DNAH9: variants seen among roughly 807,000 people sequenced by gnomAD.
DNAH9 encodes DNAH9 variant protein.
DNAH9 carries 345 observed loss-of-function variants against 471.6 expected under a neutral mutation model. That is an observed-to-expected ratio of 0.73 (90% CI 0.67 to 0.80). The LOEUF (loss-of-function observed/expected upper bound fraction) is 0.80, where lower values mean the gene tolerates loss of function less well. DNAH9 is among the 30% of genes least tolerant of loss of function. DNAH9 has a pLI of 0.00. For synonymous variants in DNAH9, 2,093 were observed against 2,123.6 expected (o/e 0.99, Z 0.40); for missense variants, 5,407 against 5,609.2 (o/e 0.96, Z 1.15).
intron 61 of DNAH9, among the ~76,000 whole-genome samples, chr17:11,910,909 A>G (rs2151019469): frequency 6.6e-6 from 1 of 152,312 alleles, no homozygotes; most frequent in South Asian, 2.1e-4. Flanking sequence ...TCGTTGAGTT[A>G]TAAGAAGAGT....
intron 17 of DNAH9, among the ~76,000 whole-genome samples, chr17:11,671,406 A>AGG (rs367743220): frequency 1.6e-4 from 24 of 149,428 alleles, no homozygotes; most frequent in African/African-American, 5.6e-4. Context: ...CAGGAAGCAG[A>AGG]GGGGGGGCAG....
rs190293148 is a variant in DNAH9 at position 11,924,081 on chromosome 17, C to G, written c.11877+140C>G. On this transcript the variant is annotated intron_variant, in intron 62 of 68. Transcript: ENST00000262442. ...TCCCCTTCATTTCTTCATCTTCTCT[C>G]TTTCCAGTTCTCCTCACTCATATGT... 1.6e-4 allele frequency: 207 copies of G among 1,262,266 alleles called. 1 individual carries two copies. In the African/African-American group the frequency reaches 2.8e-3, roughly 17 times the overall value. The allele number at this position is 1,262,266 out of a possible 1,614,324, so 78.2% of individuals were successfully genotyped here. A position where few individuals can be genotyped will look rare whatever the true frequency, so the allele number is the denominator to read the frequency against.
intron 58 of DNAH9, among the ~76,000 whole-genome samples, chr17:11,893,953 C>CCTG (rs1973142893): frequency 1.3e-5 from 2 of 152,202 alleles, no homozygotes; most frequent in East Asian, 1.9e-4. Flanking sequence ...GGTAACTTCT[C>CCTG]TACTCTGTAA....
chr17:11,771,941 A>G (rs1368010589), intron 38 of DNAH9, among the ~76,000 whole-genome samples: 1 of 152,146 alleles, frequency 6.6e-6, no homozygotes, highest in Non-Finnish European at 1.5e-5. Context: ...CCTTCATTTT[A>G]TACATGAGAA....
intron 9 of DNAH9, 138 bp from the exon 10 acceptor site, chr17:11,640,132 G>A: frequency 1.6e-6 from 1 of 636,088 alleles, no homozygotes; most frequent in Non-Finnish European, 2.8e-6. Context: ...AACCCCCCAG[G>A]AACTCCAGTG....
chr17:11,601,116 G>A lies in DNAH9; in HGVS notation c.417+2201G>A, dbSNP rs112634059. Reference sequence around the variant, plus strand: ...CTCAAGGTTCATCCATATCGTCACCGCCTATCGTCATATGCGGGATTTCTT... The same window carrying A: ...CTCAAGGTTCATCCATATCGTCACCACCTATCGTCATATGCGGGATTTCTT... On this transcript the variant is annotated intron_variant, in intron 1 of 68. Transcript: ENST00000262442. Among the ~76,000 whole-genome samples the A allele has an allele frequency of 1.9e-3, 291 of 152,220 alleles. 4 individuals are homozygous for A. Among genetic ancestry groups the A allele is most frequent in the African/African-American group, 6.6e-3 (274 of 41,516 alleles).
intron 14 of DNAH9, among the ~76,000 whole-genome samples, chr17:11,662,962 A>G (rs1226452982): frequency 3.3e-5 from 5 of 151,336 alleles, no homozygotes; most frequent in Non-Finnish European, 7.4e-5. Context: ...TCACCGTTTT[A>G]TCCAGGATGG....
intron 14 of DNAH9, among the ~76,000 whole-genome samples, chr17:11,655,354 GT>G (rs1567695581): frequency 2.6e-3 from 3 of 1,134 alleles, no homozygotes; most frequent in Non-Finnish European, 8.4e-3. Flanking sequence ...ATTCCATGGT[GT>G]GTGTGTGTGT....
chr17:11,680,949 T>A, intron 19 of DNAH9, 60 bp downstream of exon 19: 1 of 1,467,282 alleles, frequency 6.8e-7, no homozygotes, highest in Non-Finnish European at 9.3e-7. Context: ...GAGTCATGGA[T>A]AATCTTTTTG....
In DNAH9 at chr17:11,701,240, C is replaced by A. The variant is rs773909326; in HGVS notation, c.5144C>A (p.Pro1715Gln). 3.1e-6 allele frequency: 5 copies of A among 1,613,262 alleles called. No homozygotes were observed. In the African/African-American group the frequency reaches 6.7e-5, roughly 22 times the overall value. Residue 1715 changes from proline (P) to glutamine (Q), a missense_variant, in exon 24 of 69, where the codon CCA becomes CAA. By Grantham distance (76) the Pro-to-Gln change is moderately conservative. Transcript: ENST00000262442. The stretch of plus-strand genomic sequence containing the variant: ...AGGGAGCAGTGGCTTTTTGACCACC[C>A]AGCTCAGGTATTCTCCTAATGGGAT... ...KPREQWLFDHPAQVALTCTQI... is the reference protein window; with the variant it reads ...KPREQWLFDHQAQVALTCTQI...
chr17:11,621,431 CAA>C (rs1252232993), intron 6 of DNAH9, among the ~76,000 whole-genome samples: 19 of 126,248 alleles, frequency 1.5e-4, no homozygotes, highest in Non-Finnish European at 2.4e-4. Context: ...AAAAAAAAGA[CAA>C]GAGCCAGAGG....
rs535180031 is a variant in DNAH9 at position 11,843,888 on chromosome 17, T to C, written c.9507+8990T>C. 3.8e-5 allele frequency among the ~76,000 whole-genome samples: 5 copies of C among 133,090 alleles called. 1 individual carries two copies. Among genetic ancestry groups the C allele is most frequent in the African/African-American group, 8.5e-5 (3 of 35,318 alleles). 87.3% of individuals were successfully genotyped at this position (133,090 alleles called of 152,430 possible). On this transcript the variant is annotated intron_variant, in intron 49 of 68. Coordinates refer to ENST00000262442, the MANE Select transcript of DNAH9 (RefSeq NM_001372.4). ...GTATATATATATATATATATATATA[T>C]ATACACATAGAGAGAGAGAGAATAA...
At chr17:11,728,781 G>C (rs533910198) in intron 28 of DNAH9, among the ~76,000 whole-genome samples, 1 of 152,256 alleles carries the variant, frequency 6.6e-6, no homozygotes, top group Non-Finnish European at 1.5e-5. Flanking sequence ...TTCACATCAT[G>C]AAAGATCTTT....
chr17:11,926,525 G>A (rs891500151), intron 62 of DNAH9, among the ~76,000 whole-genome samples: 21 of 152,210 alleles, frequency 1.4e-4, no homozygotes, highest in African/African-American at 4.1e-4. Context: ...TTCTGTTCCC[G>A]CTTTAGTTTG....
At chr17:11,694,620 T>TG (rs1436624657) in intron 22 of DNAH9, among the ~76,000 whole-genome samples, 173 bp downstream of exon 22, 1 of 5,692 alleles carries the variant, frequency 1.8e-4, no homozygotes, top group East Asian at 0.01. Flanking sequence ...CTTTCTTGCT[T>TG]TCTTGCTTTC....
chr17:11,866,927 C>T (rs981920941), intron 50 of DNAH9, among the ~76,000 whole-genome samples: 6 of 152,210 alleles, frequency 3.9e-5, no homozygotes, highest in African/African-American at 1.2e-4. Context: ...ATCTGTCACC[C>T]GTTTCTTTGA....
rs1567724457 is a variant in DNAH9 at position 11,694,618 on chromosome 17, CTTTCTTGCTTTCTT to C, written c.4872+172_4872+185del. 4.9e-3 allele frequency among the ~76,000 whole-genome samples: 26 copies of C among 5,268 alleles called. 2 individuals carry two copies. The South Asian group carries it at 0.11, about 21-fold the overall frequency. 3.5% of individuals were successfully genotyped at this position (5,268 alleles called of 152,430 possible). A position where few individuals can be genotyped will look rare whatever the true frequency, so the allele number is the denominator to read the frequency against. ...ACCTCGGAGCTTTCTTGCTTTCTTG[CTTTCTTGCTTTCTT>C]GCTTTCTTGCTTTCTCGCTTTCTCG... On this transcript the variant is annotated intron_variant, in intron 22 of 68. Transcript: ENST00000262442.
chr17:11,675,797 T>G (rs1219579626), intron 17 of DNAH9, among the ~76,000 whole-genome samples: 1 of 152,204 alleles, frequency 6.6e-6, no homozygotes, highest in Non-Finnish European at 1.5e-5. Flanking sequence ...AAGTATTATC[T>G]TTTTCAATAT....
intron 39 of DNAH9, among the ~76,000 whole-genome samples, chr17:11,781,445 C>T (rs1968662291): frequency 6.6e-6 from 1 of 152,224 alleles, no homozygotes; most frequent in Admixed American, 6.5e-5. Context: ...CTTCAAGACT[C>T]ATCTCCGAAG....
Sources: allele counts gnomAD v4.1 joint callset (sites outside exome capture counted in the v4.1 genomes callset), GRCh38; gene constraint gnomAD v4.1.1; transcripts MANE v1.5; gene names NCBI Gene and HGNC (gene_info 2026-07-23, HGNC 2026-07-21).